CEP295: variants seen among roughly 807,000 people sequenced by gnomAD.
CEP295 encodes centrosomal protein of 295 kDa.
A neutral mutation model predicts 291.6 loss-of-function variants in CEP295; 190 were observed. The ratio of observed to expected loss-of-function variants is 0.65; its 90% CI spans 0.58 to 0.73. The LOEUF is 0.73. Ranked by LOEUF, CEP295 falls within the 30% of genes least tolerant of loss-of-function variation. The probability of loss-of-function intolerance (pLI) is 0.00; values close to 1 mark genes in which losing one functional copy is unlikely to be tolerated. For missense variants in CEP295, 2,863 were observed against 2,949.4 expected, an observed-to-expected ratio of 0.97 and a Z score of 0.68; for synonymous variants, 993 against 1,038.8, an observed-to-expected ratio of 0.96 and a Z score of 0.85.
In CEP295 at chr11:93,729,734, T is replaced by C. The variant is rs1160570676; in HGVS notation, c.7520T>C (p.Val2507Ala). The C allele has an allele frequency of 1.3e-6, 2 of 1,549,496 alleles. No homozygotes were observed. The highest frequency in any genetic ancestry group is 2.7e-5 in the African/African-American group (2 of 72,926). Residue 2507 changes from valine to alanine, a missense_variant, in exon 27 of 30, where the codon GTC becomes GCC. This residue lies in a region of CEP295 where 2,295 missense variants were observed against 2,335.7 expected (regional missense o/e 0.98). Transcript: ENST00000325212. ...RQKEIRNKIHVSENSQIKTVK... is the reference protein window; with the variant it reads ...RQKEIRNKIHASENSQIKTVK... ...AAAGAAATAAGGAATAAAATTCATG[T>C]CTCTGAAAATTCTCAAATCAAAACA...
At chr11:93,707,044 T>C (rs950428000) in intron 18 of CEP295, 147 bp downstream of exon 18, 3 of 666,058 alleles carry the variant, frequency 4.5e-6, no homozygotes, top group Non-Finnish European at 7.0e-6. Context: ...TTAACTATAT[T>C]GTTCTATGCA....
intron 18 of CEP295, among the ~76,000 whole-genome samples, 162 bp from the exon 19 acceptor site, chr11:93,721,150 G>A (rs960404313): frequency 6.6e-6 from 1 of 152,188 alleles, no homozygotes; most frequent in Non-Finnish European, 1.5e-5. Flanking sequence ...AACAAATACG[G>A]TGAATTTTTT....
chr11:93,707,191 T>C (rs2135192966), intron 18 of CEP295, among the ~76,000 whole-genome samples: 1 of 152,296 alleles, frequency 6.6e-6, no homozygotes, highest in Admixed American at 6.5e-5. Context: ...CCATATCTAA[T>C]TAAATACTGT....
intron 14 of CEP295, 38 bp from the exon 15 acceptor site, chr11:93,696,644 A>C (rs1280679666): frequency 6.8e-7 from 1 of 1,480,208 alleles, no homozygotes; most frequent in South Asian, 1.4e-5. Flanking sequence ...TTTATTTTTC[A>C]TTAAAAAACA....
rs2135108143 is a variant in CEP295 at position 93,697,905 on chromosome 11, A to G, written c.2993A>G (p.Gln998Arg). The G allele has an allele frequency of 6.4e-7, 1 of 1,551,732 alleles. No homozygotes were observed. ...SEQAEPSFPF[Q>R]VAQHTFTSLP... ...CAGGCTGAGCCCTCTTTCCCATTTCAGGTAGCTCAGCATACATTTACTTCA... is the reference window on the plus strand; with the variant it reads ...CAGGCTGAGCCCTCTTTCCCATTTCGGGTAGCTCAGCATACATTTACTTCA... The change falls in exon 15 of 30, where the codon CAG (glutamine) becomes CGG (arginine). Residue 998 changes from glutamine to arginine, a missense_variant. Gln to Arg is a conservative substitution (Grantham distance 43). Transcript: ENST00000325212.
intron 15 of CEP295, among the ~76,000 whole-genome samples, chr11:93,700,515 T>G (rs1181813496): frequency 6.7e-6 from 1 of 148,396 alleles, no homozygotes; most frequent in Non-Finnish European, 1.5e-5. Context: ...AACCCCTACC[T>G]CCTGGGTTTA....
chr11:93,666,852 C>T (rs1950225791), intron 2 of CEP295, 37 bp downstream of exon 2: 1 of 1,127,898 alleles, frequency 8.9e-7, no homozygotes, highest in Non-Finnish European at 1.3e-6. Context: ...AAATTCCTTT[C>T]TTCCTCAAAT....
chr11:93,708,048 TG>T (rs1952636165), intron 18 of CEP295, among the ~76,000 whole-genome samples: 1 of 152,224 alleles, frequency 6.6e-6, no homozygotes, highest in Non-Finnish European at 1.5e-5. Flanking sequence ...TTTTAATTTT[TG>T]TGGCTACATA....
intron 18 of CEP295, among the ~76,000 whole-genome samples, chr11:93,715,923 G>C (rs1438153481): frequency 1.3e-5 from 2 of 151,770 alleles, no homozygotes; most frequent in African/African-American, 2.4e-5. Context: ...GTCTCTTTTG[G>C]AGCTGTGAGC....
At chr11:93,704,152 A>T (rs1952372207) in intron 17 of CEP295, among the ~76,000 whole-genome samples, 1 of 152,082 alleles carries the variant, frequency 6.6e-6, no homozygotes, top group Non-Finnish European at 1.5e-5. Flanking sequence ...AATTTTCTCG[A>T]TCAAATTTAT....
chr11:93,676,674 T>C (rs1341714088), intron 6 of CEP295, among the ~76,000 whole-genome samples: 1 of 152,044 alleles, frequency 6.6e-6, no homozygotes, highest in Non-Finnish European at 1.5e-5. Flanking sequence ...TAACTTCAAT[T>C]TGTTGCTAAC....
In CEP295 at chr11:93,696,742, A is replaced by G. The variant is rs1430288262; in HGVS notation, c.1830A>G (p.Leu610=). The G allele has an allele frequency of 1.3e-6, 2 of 1,551,208 alleles. No individual in the cohort carries two copies. Among genetic ancestry groups the G allele is most frequent in the East Asian group, 2.4e-5 (1 of 40,932 alleles). The change falls in exon 15 of 30, where the codon TTA becomes TTG. Residue 610 remains leucine (L), a synonymous_variant. Coordinates refer to ENST00000325212, the MANE Select transcript of CEP295 (RefSeq NM_033395.2). The stretch of plus-strand genomic sequence containing the variant: ...AATTACTTGAATATCAAACTATGTT[A>G]AAAGGAAGGTGCCCATCGGTGTCAG... ...RKQLLEYQTM[L]KGRCPSVSAP...
At chr11:93,667,498 G>C (rs1193841753) in intron 2 of CEP295, 109 bp from the exon 3 acceptor site, 5 of 714,354 alleles carry the variant, frequency 7.0e-6, no homozygotes, top group Admixed American at 3.3e-5. Context: ...GTATCAAAGA[G>C]AGTTGACAGA....
intron 4 of CEP295, 130 bp from the exon 5 acceptor site, chr11:93,669,547 T>C: frequency 1.7e-6 from 1 of 581,876 alleles, no homozygotes; most frequent in Non-Finnish European, 3.0e-6. Flanking sequence ...TCTTTACACA[T>C]GTAAAGCTTA....
rs1017428134 is a variant in CEP295, at chr11:93,699,624, G to C, written c.4712G>C (p.Ser1571Thr). Reference sequence around the variant, plus strand: ...ACCCAGAAGTCTTTCCCAACCAAAAGTAATGATACTCTTCCCTCAAGTCAT... The same window carrying C: ...ACCCAGAAGTCTTTCCCAACCAAAACTAATGATACTCTTCCCTCAAGTCAT... ...ERTQKSFPTK[S>T]NDTLPSSHRE... Residue 1571 changes from serine to threonine, a missense_variant, in exon 15 of 30, where the codon AGT becomes ACT. This residue lies in a region of CEP295 where 2,295 missense variants were observed against 2,335.7 expected (regional missense o/e 0.98). Coordinates refer to ENST00000325212, the MANE Select transcript of CEP295 (RefSeq NM_033395.2). 3 of 1,551,616 alleles carry C rather than the reference G, an allele frequency of 1.9e-6. No individual in the cohort carries two copies. The highest frequency in any genetic ancestry group is 2.6e-6 in the Non-Finnish European group (3 of 1,147,072).
rs1483943769 is a variant in CEP295 at position 93,698,859 on chromosome 11, T to A, written c.3947T>A (p.Phe1316Tyr). ...TCTGGCACAATCCTGGAACCTCTTTTTACAGAGAGTGAAAGTAAAATTTTT... is the reference window on the plus strand; with the variant it reads ...TCTGGCACAATCCTGGAACCTCTTTATACAGAGAGTGAAAGTAAAATTTTT... ...AESGTILEPL[F>Y]TESESKIFSS... The change falls in exon 15 of 30, where the codon TTT becomes TAT. Residue 1316 changes from phenylalanine (F) to tyrosine (Y), a missense_variant. Around this residue, in one of 3 missense-constraint regions of CEP295, gnomAD observed 2,295 missense variants for 2,335.7 expected, o/e 0.98. Coordinates refer to ENST00000325212, the MANE Select transcript of CEP295 (RefSeq NM_033395.2). The A allele has an allele frequency of 2.6e-6, 4 of 1,551,620 alleles. No homozygotes were observed. The African/African-American group carries it at 4.1e-5, about 16-fold the overall frequency.
At position 93,697,316 on chromosome 11, in the gene CEP295, G is replaced by A. The variant is rs1173732736; in HGVS notation, c.2404G>A (p.Val802Ile). The A allele has an allele frequency of 7.7e-6, 12 of 1,551,612 alleles. No individual in the cohort carries two copies. The highest frequency in any genetic ancestry group is 1.4e-5 in the African/African-American group (1 of 73,028). The change falls in exon 15 of 30, where the codon GTT becomes ATT. Residue 802 changes from valine to isoleucine, a missense_variant. By Grantham distance (29) the Val-to-Ile change is conservative. Transcript: ENST00000325212. ...QHSFSSLPVK[V>I]ESGKIQEPFS... ...TTCTTTTAGTTCTCTGCCTGTTAAA[G>A]TTGAGTCAGGAAAAATTCAAGAACC...
Position 93,699,381 on chromosome 11 carries a change from A to G in CEP295, c.4469A>G (p.Glu1490Gly). 9 of 1,551,818 alleles carry G rather than the reference A, an allele frequency of 5.8e-6. No homozygotes were observed. Among genetic ancestry groups the G allele is most frequent in the Non-Finnish European group, 7.8e-6 (9 of 1,146,974 alleles). Residue 1490 changes from glutamate to glycine, a missense_variant, in exon 15 of 30, where the codon GAA becomes GGA. Physicochemically the swap from Glu to Gly is moderately conservative, Grantham distance 98. Transcript: ENST00000325212. ...LVLSKPCKFE[E>G]KVSSEHFIQS... ...TTGTCAAAACCATGTAAATTTGAGG[A>G]AAAGGTATCTTCTGAGCATTTTATC...
chr11:93,720,824 T>C (rs893316149), intron 18 of CEP295, among the ~76,000 whole-genome samples: 2 of 152,164 alleles, frequency 1.3e-5, no homozygotes. Context: ...CTCGAACTCC[T>C]GCACTCAAGC....
Sources: allele counts gnomAD v4.1 joint callset (sites outside exome capture counted in the v4.1 genomes callset), GRCh38; gene constraint gnomAD v4.1.1; regional missense constraint gnomAD v4.1.1; transcripts MANE v1.5; gene names NCBI Gene and HGNC (gene_info 2026-07-23, HGNC 2026-07-21).